Variants in DMD observed in about 807,000 individuals in gnomAD.
The protein encoded by DMD is dystrophin, also known as mutant dystrophin.
DMD carries 63 observed loss-of-function variants against 330.1 expected under a neutral mutation model. The ratio of observed to expected loss-of-function variants is 0.19; its 90% CI spans 0.16 to 0.24. The LOEUF (loss-of-function observed/expected upper bound fraction) is 0.24. DMD is among the 10% of genes least tolerant of loss of function. The pLI, the probability that DMD is intolerant of heterozygous loss-of-function variation, is 1.00. For synonymous variants in DMD, 1,223 were observed against 959.8 expected (o/e 1.27, Z -5.07); for missense variants, 3,344 against 2,684.1 (o/e 1.25, Z -5.43).
At chrX:32,492,901 G>T (rs1420797460) in intron 19 of DMD, among the ~76,000 whole-genome samples, 1 of 111,252 alleles carries the variant, frequency 9.0e-6, no homozygotes, top group Non-Finnish European at 1.9e-5. Flanking sequence ...TCACTGTAAG[G>T]TTCTTTCTCT....
chrX:32,603,999 C>T (rs923596544), intron 12 of DMD, among the ~76,000 whole-genome samples: 6 of 110,945 alleles, frequency 5.4e-5, no homozygotes, highest in Non-Finnish European at 1.1e-4. Context: ...ATTAATTCTA[C>T]GAAGCCAGTA....
At chrX:32,996,131 C>T (rs1355563284) in intron 2 of DMD, among the ~76,000 whole-genome samples, 2 of 111,574 alleles carry the variant, frequency 1.8e-5, no homozygotes, top group Non-Finnish European at 3.8e-5. Context: ...AAACCTTGTT[C>T]GATGTACCCA....
At position 31,363,382 on chromosome X, in the gene DMD, T is replaced by TA. The variant is rs1380892696; in HGVS notation, c.9085-14749_9085-14748insT. On this transcript the variant is annotated intron_variant, in intron 60 of 78. Coordinates refer to ENST00000357033, the MANE Select transcript of DMD (RefSeq NM_004006.3). The stretch of plus-strand genomic sequence containing the variant: ...ACATAAGACATGTATCTTTTTTTTT[T>TA]TTTTTTTTTTTTTTTTTGAGACAGA... Among the ~76,000 whole-genome samples the TA allele has an allele frequency of 1.2e-3, 102 of 82,966 alleles. 1 individual carries two copies. Among genetic ancestry groups the TA allele is most frequent in the African/African-American group, 4.9e-3 (100 of 20,358 alleles). 72.0% of individuals were successfully genotyped at this position (82,966 alleles called of 115,157 possible). A position where few individuals can be genotyped will look rare whatever the true frequency, so the allele number is the denominator to read the frequency against.
chrX:32,198,077 A>G (rs1217050841), intron 44 of DMD, among the ~76,000 whole-genome samples: 1 of 111,759 alleles, frequency 8.9e-6, no homozygotes, highest in Non-Finnish European at 1.9e-5. Context: ...TGTGTTTCCC[A>G]TACAGTTTCT....
chrX:32,968,480 A>G (rs186959772), intron 2 of DMD, among the ~76,000 whole-genome samples: 18 of 109,351 alleles, frequency 1.6e-4, no homozygotes, highest in African/African-American at 5.4e-4. Flanking sequence ...TCCAAAAGAT[A>G]TTTTTATCCT....
chrX:32,905,349 TA>T (rs1035292730), intron 2 of DMD, among the ~76,000 whole-genome samples: 3 of 112,138 alleles, frequency 2.7e-5, no homozygotes, highest in Non-Finnish European at 5.6e-5. Flanking sequence ...TAAAAGATTC[TA>T]AAAAATAATT....
At chrX:32,026,482 T>G (rs1425577760) in intron 44 of DMD, among the ~76,000 whole-genome samples, 2 of 112,428 alleles carry the variant, frequency 1.8e-5, no homozygotes, top group Non-Finnish European at 3.8e-5. Flanking sequence ...AACTGTTATA[T>G]ATCAGTGTTA....
intron 11 of DMD, among the ~76,000 whole-genome samples, chrX:32,635,148 T>G (rs1451223687): frequency 9.0e-6 from 1 of 111,438 alleles, no homozygotes; most frequent in African/African-American, 3.3e-5. Context: ...TGCAAAGTCC[T>G]ATAATCACTG....
At chrX:31,135,878 T>G (rs1441457139) in intron 76 of DMD, among the ~76,000 whole-genome samples, 1 of 112,315 alleles carries the variant, frequency 8.9e-6, no homozygotes. Flanking sequence ...AACCTCAGGT[T>G]TACATCTGAC....
intron 16 of DMD, among the ~76,000 whole-genome samples, chrX:32,554,847 AGAGAGAGAGAGAGAGAGAG>A (rs2050020428): frequency 4.7e-5 from 3 of 63,636 alleles, no homozygotes; most frequent in Non-Finnish European, 7.2e-5. Flanking sequence ...AGAGAGAGAG[AGAGAGAGAGAGAGAGAGAG>A]AGAGAAGGAA....
intron 43 of DMD, among the ~76,000 whole-genome samples, chrX:32,279,091 T>C (rs752322904): frequency 5.4e-5 from 6 of 111,384 alleles, no homozygotes; most frequent in Non-Finnish European, 1.1e-4. Context: ...ATCACAGAAA[T>C]ACAAAGCAAA....
chrX:32,555,699 G>A (rs1453371506), intron 16 of DMD, among the ~76,000 whole-genome samples: 2 of 111,213 alleles, frequency 1.8e-5, no homozygotes, highest in Admixed American at 9.6e-5. Context: ...TCTGATCTTC[G>A]ACAAACCTGA....
At chrX:31,661,713 A>ATG (rs753222968) in intron 53 of DMD, among the ~76,000 whole-genome samples, 13 of 110,124 alleles carry the variant, frequency 1.2e-4, no homozygotes, top group African/African-American at 2.0e-4. Flanking sequence ...GCCTTTGTAT[A>ATG]TGTGTGTGTG....
Position 32,200,609 on chromosome X carries a change from C to A in DMD, c.6438+16307G>T, listed in dbSNP as rs770691094. ...GAAAACACACATATGTAATCACACA[C>A]ATATATAATTTGAAATTTTTCATAG... On this transcript the variant is annotated intron_variant, in intron 44 of 78. Transcript: ENST00000357033. Among the ~76,000 whole-genome samples, 6 of 111,321 alleles carry A rather than the reference C, an allele frequency of 5.4e-5. No individual in the cohort carries two copies. In the South Asian group the frequency reaches 2.2e-3, roughly 42 times the overall value.
At chrX:32,974,364 T>C (rs2092476690) in intron 2 of DMD, among the ~76,000 whole-genome samples, 3 of 111,039 alleles carry the variant, frequency 2.7e-5, no homozygotes, top group East Asian at 2.8e-4. Flanking sequence ...TGCAACTAGA[T>C]AGTGATGATA....
chrX:31,139,992 G>A (rs1256393091), intron 76 of DMD, among the ~76,000 whole-genome samples: 2 of 112,662 alleles, frequency 1.8e-5, no homozygotes, highest in South Asian at 3.7e-4. Flanking sequence ...AAATAGTACC[G>A]TGATATAGCA....
chrX:32,998,392 AAAT>A (rs1170608538), intron 2 of DMD, among the ~76,000 whole-genome samples: 35 of 104,538 alleles, frequency 3.3e-4, no homozygotes, highest in African/African-American at 1.3e-3. Flanking sequence ...AAAAAAAAAA[AAAT>A]CAAGGTAGAG....
intron 2 of DMD, among the ~76,000 whole-genome samples, chrX:32,992,604 T>A (rs1374872260): frequency 9.0e-6 from 1 of 111,723 alleles, no homozygotes; most frequent in Non-Finnish European, 1.9e-5. Context: ...TAATTATATT[T>A]ATTTTAATTT....
chrX:33,108,712 C>T (rs1490166815), intron 1 of DMD, among the ~76,000 whole-genome samples: 2 of 105,469 alleles, frequency 1.9e-5, no homozygotes, highest in Non-Finnish European at 3.9e-5. Flanking sequence ...CTCGTCTCTA[C>T]TACAAATACA....
Sources: allele counts gnomAD v4.1 joint callset (sites outside exome capture counted in the v4.1 genomes callset), GRCh38; gene constraint gnomAD v4.1.1; transcripts MANE v1.5; gene names NCBI Gene and HGNC (gene_info 2026-07-23, HGNC 2026-07-21).